The following CDH18 variants were observed in gnomAD, a reference collection of about 807,000 sequenced individuals.
CDH18 encodes the protein cadherin 18.
CDH18 carries 31 observed loss-of-function variants against 67.9 expected under a neutral mutation model. The ratio of observed to expected loss-of-function variants is 0.46; its 90% CI spans 0.34 to 0.62. The LOEUF is 0.62. Among genes scored for constraint, CDH18 ranks in the 20% least tolerant of loss-of-function variants. CDH18 has a pLI of 0.01. For synonymous variants in CDH18, 362 were observed against 347.2 expected (o/e 1.04, Z -0.48); for missense variants, 890 against 975.5 (o/e 0.91, Z 1.17).
intron 2 of CDH18, among the ~76,000 whole-genome samples, chr5:20,156,665 A>G (rs917316201): frequency 6.6e-6 from 1 of 152,128 alleles, no homozygotes; most frequent in Non-Finnish European, 1.5e-5. Context: ...AGACTTCACC[A>G]CTAAACACTA....
intron 10 of CDH18, among the ~76,000 whole-genome samples, chr5:19,503,766 T>A (rs2126768579): frequency 6.6e-6 from 1 of 152,090 alleles, no homozygotes. Context: ...AAAAGCAGAG[T>A]AAGTTAGAAT....
chr5:20,161,608 G>A (rs1001762362), intron 2 of CDH18, among the ~76,000 whole-genome samples: 5 of 152,164 alleles, frequency 3.3e-5, no homozygotes, highest in Non-Finnish European at 5.9e-5. Flanking sequence ...AAATAGAAGA[G>A]ATCATTCATA....
chr5:20,392,182 C>G (rs1744921722), intron 1 of CDH18, among the ~76,000 whole-genome samples: 1 of 151,804 alleles, frequency 6.6e-6, no homozygotes, highest in Non-Finnish European at 1.5e-5. Context: ...ATTTCACACA[C>G]TTTCATATTA....
At chr5:19,995,530 T>G (rs2150393534) in intron 2 of CDH18, among the ~76,000 whole-genome samples, 1 of 151,870 alleles carries the variant, frequency 6.6e-6, no homozygotes, top group African/African-American at 2.4e-5. Flanking sequence ...CCAGGTTGTT[T>G]TACTGTCTGA....
intron 8 of CDH18, among the ~76,000 whole-genome samples, chr5:19,568,548 A>C (rs576009455): frequency 6.6e-6 from 1 of 152,336 alleles, no homozygotes; most frequent in South Asian, 2.1e-4. Flanking sequence ...GACTATGATA[A>C]TTCTTCTTAG....
intron 1 of CDH18, among the ~76,000 whole-genome samples, chr5:20,310,640 T>C (rs1736897935): frequency 6.6e-6 from 1 of 152,190 alleles, no homozygotes; most frequent in South Asian, 2.1e-4. Context: ...GTCTGACCGG[T>C]GTAAGTGTTG....
At chr5:19,869,590 C>CA (rs1785990475) in intron 2 of CDH18, among the ~76,000 whole-genome samples, 3 of 152,078 alleles carry the variant, frequency 2.0e-5, no homozygotes, top group East Asian at 1.9e-4. Flanking sequence ...AAAAATGCCT[C>CA]AAAAAAACTT....
At chr5:19,982,656 G>A (rs1242998694) in intron 1 of CDH18, among the ~76,000 whole-genome samples, 2 of 151,908 alleles carry the variant, frequency 1.3e-5, no homozygotes, top group East Asian at 3.9e-4. Flanking sequence ...TTTTAAAATC[G>A]ATATATTGAT....
intron 2 of CDH18, among the ~76,000 whole-genome samples, chr5:20,158,048 T>C (rs1265253275): frequency 6.6e-6 from 1 of 152,212 alleles, no homozygotes; most frequent in Non-Finnish European, 1.5e-5. Flanking sequence ...GGGAAGAACA[T>C]GCAACATTTG....
chr5:19,988,947 C>A (rs1799816203), upstream of CDH18, among the ~76,000 whole-genome samples: 1 of 152,138 alleles, frequency 6.6e-6, no homozygotes. Context: ...GCTTTTCCAA[C>A]CCCCTTTGAT....
chr5:20,095,086 A>T (rs1375124832), intron 2 of CDH18, among the ~76,000 whole-genome samples: 2 of 151,940 alleles, frequency 1.3e-5, no homozygotes, highest in Non-Finnish European at 2.9e-5. Flanking sequence ...GTTCTCACTC[A>T]TAAGTGGAAG....
chr5:20,018,180 G>T (rs185271216), intron 2 of CDH18, among the ~76,000 whole-genome samples: 39 of 152,222 alleles, frequency 2.6e-4, no homozygotes, highest in Admixed American at 2.6e-3. Flanking sequence ...TTAATAACTT[G>T]ACAATGTCAC....
intron 11 of CDH18, among the ~76,000 whole-genome samples, chr5:19,489,300 T>C (rs1053528300): frequency 1.4e-5 from 2 of 147,578 alleles, no homozygotes; most frequent in Non-Finnish European, 3.0e-5. Flanking sequence ...CAGGCTGGAG[T>C]GCAGTGGTGC....
chr5:19,847,395 G>T (rs1783114273), intron 2 of CDH18, among the ~76,000 whole-genome samples: 1 of 151,906 alleles, frequency 6.6e-6, no homozygotes, highest in Non-Finnish European at 1.5e-5. Context: ...ATCTGCTATA[G>T]AACTTTTGCA....
At chr5:20,354,224 C>A (rs1741426401) in intron 1 of CDH18, among the ~76,000 whole-genome samples, 1 of 152,070 alleles carries the variant, frequency 6.6e-6, no homozygotes, top group African/African-American at 2.4e-5. Flanking sequence ...ACTTTGCTAT[C>A]CAATTATATA....
intron 1 of CDH18, among the ~76,000 whole-genome samples, chr5:20,413,329 T>A (rs1267879846): frequency 1.3e-5 from 2 of 152,224 alleles, no homozygotes; most frequent in Non-Finnish European, 2.9e-5. Context: ...ATATACCCAG[T>A]AATGGGATGG....
intron 1 of CDH18, among the ~76,000 whole-genome samples, chr5:20,564,792 A>C (rs1346185770): frequency 1.3e-5 from 2 of 152,164 alleles, no homozygotes; most frequent in Non-Finnish European, 2.9e-5. Context: ...TAAGGGTCAG[A>C]GATCTAACAG....
intron 2 of CDH18, among the ~76,000 whole-genome samples, chr5:19,843,707 G>A (rs1581607576): frequency 1.3e-5 from 2 of 152,346 alleles, no homozygotes. Context: ...CTCAATGCCA[G>A]CTGTGAAAGC....
intron 1 of CDH18, among the ~76,000 whole-genome samples, chr5:20,487,303 T>C (rs545028689): frequency 6.6e-6 from 1 of 151,368 alleles, no homozygotes; most frequent in East Asian, 1.9e-4. Context: ...AAAAATGTTT[T>C]ATCCATATAT....
Sources: allele counts gnomAD v4.1 joint callset (sites outside exome capture counted in the v4.1 genomes callset), GRCh38; gene constraint gnomAD v4.1.1; transcripts MANE v1.5; gene names NCBI Gene and HGNC (gene_info 2026-07-23, HGNC 2026-07-21).